Variants in YME1L1 observed in about 807,000 individuals in gnomAD.
YME1L1 encodes the protein YME1 like 1 ATPase.
YME1L1 carries 39 observed loss-of-function variants against 90.4 expected under a neutral mutation model. The ratio of observed to expected loss-of-function variants is 0.43; its 90% CI spans 0.33 to 0.56. The LOEUF is 0.56. Among genes scored for constraint, YME1L1 ranks in the 20% least tolerant of loss-of-function variants. The pLI is 0.03. For missense variants in YME1L1, 617 were observed against 868.4 expected, an observed-to-expected ratio of 0.71 and a Z score of 3.64; for synonymous variants, 284 against 287.3, an observed-to-expected ratio of 0.99 and a Z score of 0.12.
At chr10:27,114,750 G>A (rs796137432) in intron 17 of YME1L1, 143 bp from the exon 18 acceptor site, 29 of 570,926 alleles carry the variant, frequency 5.1e-5, no homozygotes, top group African/African-American at 3.9e-4. Flanking sequence ...ATTTGAGGCC[G>A]GGCACAGTGG....
intron 3 of YME1L1, among the ~76,000 whole-genome samples, 186 bp from the exon 4 acceptor site, chr10:27,142,671 G>C (rs558542975): frequency 3.9e-4 from 60 of 152,214 alleles, no homozygotes; most frequent in African/African-American, 1.4e-3. Flanking sequence ...ACATCTCACA[G>C]TTCTTCCATT....
At chr10:27,153,198 A>G in intron 1 of YME1L1, 1 of 470,920 alleles carries the variant, frequency 2.1e-6, no homozygotes, top group Non-Finnish European at 4.4e-6. Flanking sequence ...ATCAATATTA[A>G]GAGAAGATTC....
At chr10:27,130,400 T>C (rs2056964214) in intron 8 of YME1L1, among the ~76,000 whole-genome samples, 1 of 152,182 alleles carries the variant, frequency 6.6e-6, no homozygotes, top group African/African-American at 2.4e-5. Flanking sequence ...AACATACATA[T>C]AAATATAATC....
chr10:27,116,319 T>A lies in YME1L1; in HGVS notation c.1746A>T (p.Arg582Ser). 1 of 1,614,100 alleles carries A rather than the reference T, an allele frequency of 6.2e-7. No homozygotes were observed. The highest frequency in any genetic ancestry group is 8.5e-7 in the Non-Finnish European group (1 of 1,180,004). Residue 582 changes from arginine (R) to serine (S), a missense_variant, in exon 16 of 19, where the codon AGA (arginine) becomes AGT (serine). This residue lies in a region of YME1L1 where 212 missense variants were observed against 330.0 expected (regional missense o/e 0.64). Coordinates refer to ENST00000376016, the MANE Select transcript of YME1L1 (RefSeq NM_014263.4). ...GHVSLLPEND[R>S]WNETRAQLLA... ...GCAGCTGGGCTCTAGTTTCATTCCA[T>A]CTGTCATTCTCAGGTAACAGGGACA...
Position 27,145,407 on chromosome 10 carries a change from AC to A in YME1L1, c.331+20del. ...AATAGTGCTAAAATATTTAATTGGA[AC>A]AAAAAACACATTAACATACCATATT... On this transcript the variant is annotated intron_variant, in intron 3 of 18. Coordinates refer to ENST00000376016, the MANE Select transcript of YME1L1 (RefSeq NM_014263.4). The A allele has an allele frequency of 1.9e-6, 3 of 1,566,842 alleles. No individual in the cohort carries two copies. The highest frequency in any genetic ancestry group is 2.6e-6 in the Non-Finnish European group (3 of 1,150,028).
chr10:27,131,222 C>T (rs2056974600), intron 8 of YME1L1, among the ~76,000 whole-genome samples: 1 of 152,202 alleles, frequency 6.6e-6, no homozygotes, highest in South Asian at 2.1e-4. Flanking sequence ...TTCCTCCATA[C>T]ACTTTTATTC....
At chr10:27,140,125 G>A (rs191685416) in intron 4 of YME1L1, among the ~76,000 whole-genome samples, 2 of 151,548 alleles carry the variant, frequency 1.3e-5, no homozygotes, top group Non-Finnish European at 2.9e-5. Flanking sequence ...TCAGCCTCCC[G>A]AGTAGCTGAG....
chr10:27,152,140 AT>A (rs1442343137), intron 1 of YME1L1, among the ~76,000 whole-genome samples: 2 of 152,192 alleles, frequency 1.3e-5, no homozygotes, highest in Non-Finnish European at 2.9e-5. Context: ...AGAAAAAAAA[AT>A]AAACAGTAAC....
At chr10:27,138,663 G>A (rs2057053958) in intron 4 of YME1L1, among the ~76,000 whole-genome samples, 1 of 152,108 alleles carries the variant, frequency 6.6e-6, no homozygotes. Context: ...GGACAATGCA[G>A]TGAACTCTTT....
At chr10:27,151,635 A>C (rs1342587929) in intron 1 of YME1L1, among the ~76,000 whole-genome samples, 1 of 151,872 alleles carries the variant, frequency 6.6e-6, no homozygotes, top group Admixed American at 6.6e-5. Flanking sequence ...TAATCCCAGC[A>C]CTCTGGGAGG....
chr10:27,141,920 G>A (rs1256431002), intron 4 of YME1L1, among the ~76,000 whole-genome samples: 1 of 152,160 alleles, frequency 6.6e-6, no homozygotes, highest in Non-Finnish European at 1.5e-5. Context: ...TCTATCACTA[G>A]TGCCTTGTAT....
intron 4 of YME1L1, among the ~76,000 whole-genome samples, chr10:27,137,696 G>A (rs1259651945): frequency 1.3e-5 from 2 of 152,028 alleles, no homozygotes; most frequent in Non-Finnish European, 2.9e-5. Flanking sequence ...TTACAAGTGT[G>A]GGAAAATTTT....
intron 10 of YME1L1, among the ~76,000 whole-genome samples, chr10:27,123,201 C>T (rs2056884105): frequency 1.3e-5 from 2 of 152,060 alleles, no homozygotes; most frequent in African/African-American, 4.8e-5. Flanking sequence ...TCATTCTTTC[C>T]AGCTATACAA....
At position 27,126,885 on chromosome 10, in the gene YME1L1, T is replaced by C. The variant is rs1485804177; in HGVS notation, c.859-99A>G. On this transcript the variant is annotated intron_variant, in intron 8 of 18. Coordinates refer to ENST00000376016, the MANE Select transcript of YME1L1 (RefSeq NM_014263.4). ...GAAAATCATAAATTTAATTTGGATA[T>C]GGAATTAACCTGACCTTCTCTGTTT... 5 of 721,440 alleles carry C rather than the reference T, an allele frequency of 6.9e-6. No homozygotes were observed. The Admixed American group carries it at 1.0e-4, about 15-fold the overall frequency. The allele number at this position is 721,440 out of a possible 1,614,324, so 44.7% of individuals were successfully genotyped here.
intron 15 of YME1L1, among the ~76,000 whole-genome samples, chr10:27,116,627 T>A (rs554969026): frequency 6.6e-6 from 1 of 152,094 alleles, no homozygotes; most frequent in East Asian, 1.9e-4. Context: ...GATCATGCCA[T>A]TGCACTCTAG....
chr10:27,142,073 T>C (rs1191717333), intron 4 of YME1L1, among the ~76,000 whole-genome samples: 2 of 152,022 alleles, frequency 1.3e-5, no homozygotes, highest in South Asian at 4.1e-4. Context: ...TATATATATA[T>C]ATAAAATTAA....
At chr10:27,152,592 T>C (rs913910659) in intron 1 of YME1L1, among the ~76,000 whole-genome samples, 1 of 152,160 alleles carries the variant, frequency 6.6e-6, no homozygotes, top group Non-Finnish European at 1.5e-5. Context: ...TTCAAAAACT[T>C]CAATACCATA....
At chr10:27,123,396 A>G in intron 10 of YME1L1, 151 bp downstream of exon 10, 1 of 835,114 alleles carries the variant, frequency 1.2e-6, no homozygotes, top group Non-Finnish European at 1.8e-6. Flanking sequence ...TATTTTAACT[A>G]TCAATCAAAA....
intron 1 of YME1L1, among the ~76,000 whole-genome samples, chr10:27,153,589 A>T (rs1168159042): frequency 6.6e-6 from 1 of 152,216 alleles, no homozygotes; most frequent in Non-Finnish European, 1.5e-5. Context: ...TTTGTTTTAC[A>T]AAACGATGAG....
Sources: gnomAD v4.1 joint callset for allele counts (sites outside exome capture counted in the v4.1 genomes callset) on GRCh38, gnomAD v4.1.1 for gene constraint, gnomAD v4.1.1 regional missense constraint, MANE v1.5 for transcripts, NCBI Gene and HGNC (gene_info 2026-07-23, HGNC 2026-07-21) for gene names.